Variants in SYT9 observed in about 807,000 individuals in gnomAD.
SYT9 encodes the protein synaptotagmin-9.
In SYT9, 22 loss-of-function variants were observed where a neutral mutation model predicts 48.4. The observed-to-expected ratio is 0.45, with a 90% CI of 0.32 to 0.65. The LOEUF (loss-of-function observed/expected upper bound fraction) is 0.65, where lower values mean the gene tolerates loss of function less well. Ranked by LOEUF, SYT9 falls within the 30% of genes least tolerant of loss-of-function variation. SYT9 has a pLI of 0.03. For missense variants in SYT9, 577 were observed against 622.0 expected (o/e 0.93, Z 0.77); for synonymous variants, 265 against 245.0 (o/e 1.08, Z -0.76).
intron 3 of SYT9, among the ~76,000 whole-genome samples, chr11:7,325,655 T>C (rs1849418775): frequency 2.3e-5 from 2 of 86,590 alleles, no homozygotes; most frequent in African/African-American, 5.0e-5. Context: ...CTATGTTGAA[T>C]AGGAGCGGTG....
In SYT9 at chr11:7,313,655, C is replaced by G; in HGVS notation, c.758C>G (p.Ser253Cys). 1 of 1,614,208 alleles carries G rather than the reference C, an allele frequency of 6.2e-7. No homozygotes were observed. The highest frequency in any genetic ancestry group is 8.5e-7 in the Non-Finnish European group (1 of 1,180,022). Reference protein sequence around the residue: ...KAVNLPAKDFSGTSDPYVKIY... With the variant: ...KAVNLPAKDFCGTSDPYVKIY... ...GTCAATTTGCCCGCCAAGGACTTTT[C>G]TGGGACTTCAGATCCTTATGTCAAG... The change falls in exon 3 of 7, where the codon TCT becomes TGT. Residue 253 changes from serine (S) to cysteine (C), a missense_variant. Coordinates refer to ENST00000318881, the MANE Select transcript of SYT9 (RefSeq NM_175733.4).
intron 4 of SYT9, among the ~76,000 whole-genome samples, chr11:7,417,371 C>G (rs1424556374): frequency 6.6e-6 from 1 of 152,138 alleles, no homozygotes; most frequent in African/African-American, 2.4e-5. Flanking sequence ...CCACCTGTTA[C>G]CCCATCACAG....
At chr11:7,456,023 C>T (rs757498545) in intron 6 of SYT9, among the ~76,000 whole-genome samples, 1 of 152,106 alleles carries the variant, frequency 6.6e-6, no homozygotes, top group African/African-American at 2.4e-5. Context: ...GTGAGCAATG[C>T]CCCATTTGGA....
intron 3 of SYT9, among the ~76,000 whole-genome samples, chr11:7,349,797 A>G (rs921720932): frequency 6.6e-6 from 1 of 152,248 alleles, no homozygotes; most frequent in African/African-American, 2.4e-5. Flanking sequence ...CAAGTGATAA[A>G]GGTGAGATAG....
At chr11:7,304,338 A>G (rs1012389017) in intron 2 of SYT9, among the ~76,000 whole-genome samples, 5 of 152,252 alleles carry the variant, frequency 3.3e-5, no homozygotes, top group African/African-American at 4.8e-5. Flanking sequence ...ATCACTGGAT[A>G]TAAAAACTCA....
intron 3 of SYT9, among the ~76,000 whole-genome samples, chr11:7,398,104 A>G (rs1463411169): frequency 6.6e-6 from 1 of 152,206 alleles, no homozygotes; most frequent in Non-Finnish European, 1.5e-5. Flanking sequence ...GTAGCTTTTT[A>G]CAGATCCCCA....
At chr11:7,312,691 T>C (rs529665114) in intron 2 of SYT9, among the ~76,000 whole-genome samples, 3 of 152,222 alleles carry the variant, frequency 2.0e-5, no homozygotes, top group Non-Finnish European at 4.4e-5. Context: ...TTATAGTAGC[T>C]CATCTTTAAT....
intron 6 of SYT9, among the ~76,000 whole-genome samples, chr11:7,450,636 C>G (rs1258345848): frequency 6.6e-6 from 1 of 152,224 alleles, no homozygotes; most frequent in Non-Finnish European, 1.5e-5. Flanking sequence ...GACATAGCTA[C>G]CAAGCTTATT....
At chr11:7,361,369 A>G (rs973816165) in intron 3 of SYT9, among the ~76,000 whole-genome samples, 4 of 152,158 alleles carry the variant, frequency 2.6e-5, no homozygotes, top group Non-Finnish European at 5.9e-5. Flanking sequence ...TCTTTGACTT[A>G]TAGTGAATTT....
chr11:7,402,819 C>T (rs958251495), intron 3 of SYT9, among the ~76,000 whole-genome samples: 4 of 152,156 alleles, frequency 2.6e-5, no homozygotes, highest in African/African-American at 9.6e-5. Context: ...TAAGTATACA[C>T]ATTGAATGTA....
At chr11:7,292,005 C>T (rs1290272462) in intron 1 of SYT9, among the ~76,000 whole-genome samples, 1 of 152,022 alleles carries the variant, frequency 6.6e-6, no homozygotes, top group East Asian at 1.9e-4. Context: ...GTGTGGCTTT[C>T]CAATCAATCA....
chr11:7,368,428 T>C (rs7112565), intron 3 of SYT9, among the ~76,000 whole-genome samples: 110,314 of 151,988 alleles, frequency 0.73, 40,825 homozygotes, highest in East Asian at 0.87. Flanking sequence ...ATACATGTGC[T>C]GTGGTGGTTT....
chr11:7,310,074 G>A (rs1849103363), intron 2 of SYT9, among the ~76,000 whole-genome samples: 1 of 152,178 alleles, frequency 6.6e-6, no homozygotes, highest in African/African-American at 2.4e-5. Context: ...CATGTAAAAT[G>A]TTTCAGTAGA....
intron 1 of SYT9, among the ~76,000 whole-genome samples, chr11:7,290,447 C>G (rs10839758): frequency 0.26 from 38,969 of 152,062 alleles, 5,972 homozygotes; most frequent in South Asian, 0.39. Context: ...AACCAATGCT[C>G]CTTCTACTAT....
intron 2 of SYT9, among the ~76,000 whole-genome samples, chr11:7,310,346 C>T (rs1849109884): frequency 6.6e-6 from 1 of 151,300 alleles, no homozygotes; most frequent in Non-Finnish European, 1.5e-5. Flanking sequence ...GTTGGCCAGG[C>T]TGGTCTCGAA....
rs60652691 is a variant in SYT9 at position 7,344,929 on chromosome 11, T to TACACACACACACAC, written c.1044+31009_1044+31022dup. 1.1e-3 allele frequency among the ~76,000 whole-genome samples: 157 copies of TACACACACACACAC among 149,014 alleles called. 5 individuals carry two copies. The highest frequency in any genetic ancestry group is 0.01 in the East Asian group (51 of 5,020). ...GAATTTTATAATCAGCTCATTATTT[T>TACACACACACACAC]ACACACACACACACACACACACACA... On this transcript the variant is annotated intron_variant, in intron 3 of 6. Coordinates refer to ENST00000318881, the MANE Select transcript of SYT9 (RefSeq NM_175733.4).
intron 6 of SYT9, chr11:7,435,362 A>T (rs1847682368): frequency 6.6e-6 from 1 of 152,218 alleles, no homozygotes; most frequent in South Asian, 2.1e-4. Flanking sequence ...TTCGAGGACT[A>T]CTCAGCCCAG....
chr11:7,253,433 T>C (rs1847910420), intron 1 of SYT9, among the ~76,000 whole-genome samples: 1 of 152,202 alleles, frequency 6.6e-6, no homozygotes, highest in African/African-American at 2.4e-5. Context: ...ATCCAAAAGA[T>C]AAATTAAAGA....
intron 6 of SYT9, chr11:7,439,718 G>A (rs929159496): frequency 6.6e-6 from 1 of 152,312 alleles, no homozygotes; most frequent in Non-Finnish European, 1.5e-5. Context: ...CCTGGAACAT[G>A]TTATTCACGG....
Sources: gnomAD v4.1 joint callset for allele counts (sites outside exome capture counted in the v4.1 genomes callset) on GRCh38, gnomAD v4.1.1 for gene constraint, MANE v1.5 for transcripts, NCBI Gene and HGNC (gene_info 2026-07-23, HGNC 2026-07-21) for gene names.